Variants in IFTAP observed in about 807,000 individuals in gnomAD.
IFTAP encodes intraflagellar transport-associated protein.
A neutral mutation model predicts 19.4 loss-of-function variants in IFTAP; 19 were observed. That is an observed-to-expected ratio of 0.98 (90% confidence interval 0.68 to 1.44). IFTAP has a LOEUF of 1.44. IFTAP is among the 40% of genes most tolerant of loss of function. IFTAP has a pLI of 0.00. For missense variants in IFTAP, 240 were observed against 253.6 expected, an observed-to-expected ratio of 0.95 and a Z score of 0.36; for synonymous variants, 85 against 83.5, an observed-to-expected ratio of 1.02 and a Z score of -0.10.
At chr11:36,615,676 G>GT (rs1438205814) in intron 2 of IFTAP, among the ~76,000 whole-genome samples, 6 of 134,248 alleles carry the variant, frequency 4.5e-5, no homozygotes, top group South Asian at 2.7e-4. Context: ...TATTCTCTTT[G>GT]AAGCAATTGT....
chr11:36,635,916 T>A, intron 3 of IFTAP, 135 bp from the exon 4 acceptor site: 1 of 673,200 alleles, frequency 1.5e-6, no homozygotes. Context: ...AGCCTTGAGC[T>A]GGGACTCAAG....
At chr11:36,624,710 CT>C (rs1852441145) in intron 2 of IFTAP, among the ~76,000 whole-genome samples, 1 of 152,100 alleles carries the variant, frequency 6.6e-6, no homozygotes, top group Admixed American at 6.6e-5. Context: ...TTTCTTTTTC[CT>C]TTTCTTCATC....
chr11:36,643,894 C>T (rs1853346258), intron 4 of IFTAP, among the ~76,000 whole-genome samples: 1 of 152,070 alleles, frequency 6.6e-6, no homozygotes, highest in Non-Finnish European at 1.5e-5. Flanking sequence ...CCATAAAAAC[C>T]CTAGAAGAAA....
chr11:36,618,946 C>T lies in IFTAP; in HGVS notation c.136+8707C>T, dbSNP rs146206324. Among the ~76,000 whole-genome samples, 60 of 151,886 alleles carry T rather than the reference C, an allele frequency of 4.0e-4. 1 individual carries two copies. In the Middle Eastern group the frequency reaches 0.014, roughly 34 times the overall value. On this transcript the variant is annotated intron_variant, in intron 2 of 5. Transcript: ENST00000334307. Reference sequence around the variant, plus strand: ...ATGGAAAGCAAAAGGGCCTAGGAGACGCTGCCAGTGAAGGAATGACTGACA... The same window carrying T: ...ATGGAAAGCAAAAGGGCCTAGGAGATGCTGCCAGTGAAGGAATGACTGACA...
At chr11:36,657,664 CTG>C (rs1854052888) in intron 5 of IFTAP, among the ~76,000 whole-genome samples, 1 of 152,162 alleles carries the variant, frequency 6.6e-6, no homozygotes, top group Non-Finnish European at 1.5e-5. Flanking sequence ...CCCTTACTAA[CTG>C]TGTATTTTGG....
intron 4 of IFTAP, among the ~76,000 whole-genome samples, chr11:36,641,972 T>C (rs1401287279): frequency 2.6e-5 from 4 of 152,122 alleles, no homozygotes; most frequent in South Asian, 2.1e-4. Context: ...ATTGGGTGCA[T>C]ATATATTTAA....
chr11:36,639,802 G>A (rs1249008377), intron 4 of IFTAP, among the ~76,000 whole-genome samples: 2 of 152,090 alleles, frequency 1.3e-5, no homozygotes, highest in Non-Finnish European at 2.9e-5. Context: ...ACTTGCTGAG[G>A]CCAAACAAAC....
At chr11:36,609,073 A>G (rs1417961949) in intron 1 of IFTAP, among the ~76,000 whole-genome samples, 3 of 152,222 alleles carry the variant, frequency 2.0e-5, no homozygotes, top group East Asian at 1.9e-4. Flanking sequence ...TGAGTCTAGT[A>G]GAGAACACAG....
rs1331022079 is a variant in IFTAP, at chr11:36,620,835, A to G, written c.136+10596A>G. On this transcript the variant is annotated intron_variant, in intron 2 of 5. Coordinates refer to ENST00000334307, the MANE Select transcript of IFTAP (RefSeq NM_138787.4). ...TATTTTTCATACACATAAAAGAATC[A>G]TTTTCTTTGATTCTTTGAAAAGAAT... Among the ~76,000 whole-genome samples, 6 of 151,288 alleles carry G rather than the reference A, an allele frequency of 4.0e-5. No individual in the cohort carries two copies. The East Asian group carries it at 1.2e-3, about 29-fold the overall frequency.
At chr11:36,641,082 C>T (rs1443290711) in intron 4 of IFTAP, among the ~76,000 whole-genome samples, 7 of 152,142 alleles carry the variant, frequency 4.6e-5, no homozygotes, top group Non-Finnish European at 8.8e-5. Flanking sequence ...CCTCCCCTTT[C>T]CAACTACCTA....
chr11:36,614,042 A>G (rs1465604946), intron 2 of IFTAP, among the ~76,000 whole-genome samples: 1 of 151,688 alleles, frequency 6.6e-6, no homozygotes, highest in Admixed American at 6.6e-5. Context: ...AGCATTAGGT[A>G]TATCTCCCAG....
intron 4 of IFTAP, among the ~76,000 whole-genome samples, chr11:36,645,772 A>G (rs990564811): frequency 1.3e-5 from 2 of 152,112 alleles, no homozygotes; most frequent in African/African-American, 2.4e-5. Flanking sequence ...TTGATTTTAT[A>G]TATGAAAGTC....
At chr11:36,638,939 T>C (rs1305340345) in intron 4 of IFTAP, among the ~76,000 whole-genome samples, 1 of 152,230 alleles carries the variant, frequency 6.6e-6, no homozygotes, top group Admixed American at 6.5e-5. Context: ...GAGCCAACTC[T>C]ATTAAGCAAT....
In IFTAP at chr11:36,658,927, T is replaced by G; in HGVS notation, c.499-92T>G. The G allele has an allele frequency of 4.2e-6, 4 of 946,808 alleles. No homozygotes were observed. The South Asian group carries it at 9.5e-5, about 23-fold the overall frequency. 58.7% of individuals were successfully genotyped at this position (946,808 alleles called of 1,614,324 possible). On this transcript the variant is annotated intron_variant, in intron 5 of 5. Transcript: ENST00000334307. The stretch of plus-strand genomic sequence containing the variant: ...AGAGTGCTGAAGTCTGAAAAAAGGT[T>G]TAATTAAATATTAATAGGGAGTTAA...
intron 1 of IFTAP, chr11:36,597,617 T>C (rs569771757): frequency 2.0e-5 from 3 of 152,330 alleles, no homozygotes; most frequent in South Asian, 4.2e-4. Flanking sequence ...GTTCCTAATA[T>C]CTGAACTGAC....
At chr11:36,617,883 C>A (rs1267136330) in intron 2 of IFTAP, among the ~76,000 whole-genome samples, 2 of 151,874 alleles carry the variant, frequency 1.3e-5, no homozygotes, top group African/African-American at 4.8e-5. Context: ...ACAATTATAC[C>A]TCTCTCAGAG....
intron 2 of IFTAP, among the ~76,000 whole-genome samples, chr11:36,622,154 T>G (rs1052634875): frequency 2.0e-5 from 3 of 148,562 alleles, no homozygotes; most frequent in Non-Finnish European, 3.0e-5. Context: ...GAAAGACATA[T>G]ATAATTTAAG....
chr11:36,640,631 C>G (rs1853159416), intron 4 of IFTAP, among the ~76,000 whole-genome samples: 1 of 152,036 alleles, frequency 6.6e-6, no homozygotes, highest in South Asian at 2.1e-4. Flanking sequence ...AGGCTAATAA[C>G]TAATAGTATT....
At chr11:36,655,183 A>G (rs929714910) in intron 5 of IFTAP, among the ~76,000 whole-genome samples, 1 of 152,108 alleles carries the variant, frequency 6.6e-6, no homozygotes, top group African/African-American at 2.4e-5. Context: ...TGCTCTGACA[A>G]TGCTCACCTA....
Sources: gnomAD v4.1 joint callset for allele counts (sites outside exome capture counted in the v4.1 genomes callset) on GRCh38, gnomAD v4.1.1 for gene constraint, MANE v1.5 for transcripts, NCBI Gene and HGNC (gene_info 2026-07-23, HGNC 2026-07-21) for gene names.